MAVS: variants seen among roughly 807,000 people sequenced by gnomAD.
MAVS encodes the protein mitochondrial antiviral signaling protein, also known as mitochondrial antiviral-signaling protein.
MAVS carries 20 observed loss-of-function variants against 30.2 expected under a neutral mutation model. The observed-to-expected ratio is 0.66, with a 90% CI of 0.47 to 0.96. The LOEUF is 0.96. MAVS is among the 40% of genes least tolerant of loss of function. MAVS has a pLI of 0.00. For missense variants in MAVS, 624 were observed against 701.1 expected (o/e 0.89, Z 1.24); for synonymous variants, 278 against 293.9 (o/e 0.95, Z 0.55).
At position 3,868,460 on chromosome 20, in the gene MAVS, C is replaced by T. The variant is rs994343308; in HGVS notation, c.*2313C>T. 1.4e-4 allele frequency: 21 copies of T among 152,094 alleles called. No homozygotes were observed. The highest frequency in any genetic ancestry group is 5.1e-4 in the African/African-American group (21 of 41,398). The allele number at this position is 152,094 out of a possible 1,614,324, so 9.4% of individuals were successfully genotyped here. A position where few individuals can be genotyped will look rare whatever the true frequency, so the allele number is the denominator to read the frequency against. On this transcript the variant is annotated 3_prime_UTR_variant, in exon 7 of 7. Coordinates refer to ENST00000428216, the MANE Select transcript of MAVS (RefSeq NM_020746.5). ...GACCAGCCTGGCCAACAGGGTGAAACCCCGTCTCTACAAAAATAAGAAAAT... is the reference window on the plus strand; with the variant it reads ...GACCAGCCTGGCCAACAGGGTGAAATCCCGTCTCTACAAAAATAAGAAAAT...
chr20:3,865,099 C>T lies in MAVS; in HGVS notation c.1158+311C>T, dbSNP rs1382848104. ...TAGTTCCTAGTGAAGCCGAGCGGTG[C>T]CGTTTTGCACATAAGGAAGCAGTGA... is the stretch of plus-strand genomic sequence containing the variant. On this transcript the variant is annotated intron_variant, in intron 6 of 6. Transcript: ENST00000428216. This position sits in a 1 kb window ranked among gnomAD's most constrained non-coding sequence, Gnocchi z 4.7. 6.6e-6 allele frequency among the ~76,000 whole-genome samples: 1 copy of T among 152,220 alleles called. No individual in the cohort carries two copies. The highest frequency in any genetic ancestry group is 1.9e-4 in the East Asian group (1 of 5,202).
At chr20:3,853,460 T>C (rs1174409952) in intron 1 of MAVS, among the ~76,000 whole-genome samples, 11 of 144,580 alleles carry the variant, frequency 7.6e-5, no homozygotes, top group African/African-American at 2.6e-4. Context: ...CACTCCAGCC[T>C]GGGCGACAGA....
chr20:3,862,736 C>T (rs935016210), intron 5 of MAVS, among the ~76,000 whole-genome samples: 31 of 152,094 alleles, frequency 2.0e-4, no homozygotes, highest in African/African-American at 5.8e-4. Context: ...AAGTACTCAC[C>T]GGTATATACA....
chr20:3,854,778 G>A (rs763921462), intron 2 of MAVS, 37 bp downstream of exon 2: 32 of 1,469,110 alleles, frequency 2.2e-5, no homozygotes, highest in Non-Finnish European at 3.0e-5. Context: ...ACTGGCCTGG[G>A]GGCAGGGCTG....
chr20:3,866,304 A>C lies in MAVS; in HGVS notation c.*157A>C. Reference sequence around the variant, plus strand: ...CTGGCAGCAGGACATGCCTTGGCTGAACCAAGTCCTGAGAGCAGCATCTCT... The same window carrying C: ...CTGGCAGCAGGACATGCCTTGGCTGCACCAAGTCCTGAGAGCAGCATCTCT... On this transcript the variant is annotated 3_prime_UTR_variant, in exon 7 of 7. Coordinates refer to ENST00000428216, the MANE Select transcript of MAVS (RefSeq NM_020746.5). 1.4e-6 allele frequency: 1 copy of C among 702,508 alleles called. No individual in the cohort carries two copies. Among genetic ancestry groups the C allele is most frequent in the Non-Finnish European group, 2.3e-6 (1 of 433,554 alleles). The allele number at this position is 702,508 out of a possible 1,614,324, so 43.5% of individuals were successfully genotyped here.
intron 1 of MAVS, among the ~76,000 whole-genome samples, chr20:3,848,152 C>A (rs192990536): frequency 1.3e-5 from 2 of 151,798 alleles, no homozygotes; most frequent in African/African-American, 4.8e-5. Context: ...CAGGCTGGAG[C>A]GCAGTGGTCC....
chr20:3,854,436 A>AAAAAAAAAAAAG (rs1233200012), intron 1 of MAVS, 122 bp from the exon 2 acceptor site: 2 of 383,068 alleles, frequency 5.2e-6, no homozygotes, highest in African/African-American at 2.2e-5. Context: ...AAAAAAAAAA[A>AAAAAAAAAAAAG]AAGAAGAAAT....
At position 3,874,158 on chromosome 20, in the gene MAVS, G is replaced by C; in HGVS notation, c.*8011G>C. The C allele has an allele frequency of 2.5e-6, 1 of 398,588 alleles. No homozygotes were observed. Among genetic ancestry groups the C allele is most frequent in the Non-Finnish European group, 4.4e-6 (1 of 226,074 alleles). 24.7% of individuals were successfully genotyped at this position (398,588 alleles called of 1,614,324 possible). On this transcript the variant is annotated 3_prime_UTR_variant, in exon 7 of 7. Coordinates refer to ENST00000428216, the MANE Select transcript of MAVS (RefSeq NM_020746.5). The stretch of plus-strand genomic sequence containing the variant: ...CACAGACATGAGGTCAAGCAAAAGA[G>C]GTCAGAGTCCTCATCATCAAGAGAG...
At position 3,854,571 on chromosome 20, in the gene MAVS, C is replaced by A; in HGVS notation, c.-54C>A. 1 of 1,275,838 alleles carries A rather than the reference C, an allele frequency of 7.8e-7. No homozygotes were observed. Among genetic ancestry groups the A allele is most frequent in the Non-Finnish European group, 1.1e-6 (1 of 886,884 alleles). 79.0% of individuals were successfully genotyped at this position (1,275,838 alleles called of 1,614,324 possible). A position where few individuals can be genotyped will look rare whatever the true frequency, so the allele number is the denominator to read the frequency against. Reference sequence around the variant, plus strand: ...GTTTTCTTCCAGTCTCGTTTCCTCTCAGTCCATCCACCCTTCATGGGGCCA... The same window carrying A: ...GTTTTCTTCCAGTCTCGTTTCCTCTAAGTCCATCCACCCTTCATGGGGCCA... On this transcript the variant is annotated 5_prime_UTR_variant, in exon 2 of 7. Coordinates refer to ENST00000428216, the MANE Select transcript of MAVS (RefSeq NM_020746.5).
intron 1 of MAVS, among the ~76,000 whole-genome samples, chr20:3,850,714 A>G (rs73610107): frequency 1.3e-5 from 2 of 149,672 alleles, no homozygotes; most frequent in South Asian, 2.1e-4. Context: ...GTGAAACCCT[A>G]TCTCTACTAA....
At chr20:3,859,209 G>T (rs761216462) in intron 3 of MAVS, among the ~76,000 whole-genome samples, 7 of 148,976 alleles carry the variant, frequency 4.7e-5, no homozygotes, top group Non-Finnish European at 1.0e-4. Context: ...CATGTGTGGA[G>T]ATTAATAGTG....
At chr20:3,850,200 C>T (rs1001504713) in intron 1 of MAVS, among the ~76,000 whole-genome samples, 1 of 147,716 alleles carries the variant, frequency 6.8e-6, no homozygotes, top group African/African-American at 2.5e-5. Context: ...TGGTGTGAAC[C>T]CGGGAGGCGG....
At chr20:3,859,848 G>C (rs374395807) in intron 3 of MAVS, among the ~76,000 whole-genome samples, 1 of 150,898 alleles carries the variant, frequency 6.6e-6, no homozygotes, top group Admixed American at 6.6e-5. Context: ...ATGGAGTTTC[G>C]CTCTGTCGCC....
intron 3 of MAVS, 143 bp downstream of exon 3, chr20:3,857,952 T>G: frequency 1.1e-6 from 1 of 950,196 alleles, no homozygotes; most frequent in Non-Finnish European, 1.6e-6. Flanking sequence ...TGGGTGTAGA[T>G]CCAGGCTGAG....
In MAVS at chr20:3,866,045, A is replaced by G; in HGVS notation, c.1521A>G (p.Pro507=). 6.2e-7 allele frequency: 1 copy of G among 1,612,628 alleles called. No individual in the cohort carries two copies. The highest frequency in any genetic ancestry group is 8.5e-7 in the Non-Finnish European group (1 of 1,179,998). Residue 507 remains proline, a synonymous_variant, in exon 7 of 7, where the codon CCA becomes CCG. Transcript: ENST00000428216. ...ADRKFQEREV[P]CHRPSPGALW... Reference sequence around the variant, plus strand: ...GGAAGTTCCAGGAGAGGGAGGTGCCATGCCACAGGCCCTCACCTGGGGCTC... The same window carrying G: ...GGAAGTTCCAGGAGAGGGAGGTGCCGTGCCACAGGCCCTCACCTGGGGCTC...
At position 3,864,468 on chromosome 20, in the gene MAVS, C is replaced by A; in HGVS notation, c.838C>A (p.Pro280Thr). The A allele has an allele frequency of 6.2e-7, 1 of 1,614,024 alleles. No homozygotes were observed. Among genetic ancestry groups the A allele is most frequent in the Non-Finnish European group, 8.5e-7 (1 of 1,180,016 alleles). ...GGGTGCAGAGAGTGACCAGGCCGAG[C>A]CTATCATCTGCTCCAGTGGGGCAGA... ...KQGAESDQAE[P>T]IICSSGAEAP... Residue 280 changes from proline (P) to threonine (T), a missense_variant, in exon 6 of 7, where the codon CCT becomes ACT. Pro to Thr is a conservative substitution (Grantham distance 38). Transcript: ENST00000428216.
intron 1 of MAVS, among the ~76,000 whole-genome samples, chr20:3,853,841 T>G (rs997038035): frequency 6.6e-6 from 1 of 151,762 alleles, no homozygotes. Flanking sequence ...CAGGCTGGAG[T>G]GCAATGGTGC....
intron 5 of MAVS, 109 bp from the exon 6 acceptor site, chr20:3,864,147 G>A (rs2089886507): frequency 3.2e-6 from 4 of 1,232,306 alleles, no homozygotes; most frequent in South Asian, 1.4e-5. Flanking sequence ...GAGATTTGGA[G>A]GCCTAGACAC....
Position 3,864,783 on chromosome 20 carries a change from A to G in MAVS, c.1153A>G (p.Asn385Asp), listed in dbSNP as rs777901764. 80 of 1,613,058 alleles carry G rather than the reference A, an allele frequency of 5.0e-5. No individual in the cohort carries two copies. Among genetic ancestry groups the G allele is most frequent in the Non-Finnish European group, 6.5e-5 (77 of 1,179,466 alleles). ...AGTCCCCACTGACGGGAGCAGCAGA[A>G]ATGAGGTGAGTCCTCGCCCTTCCTG... ...STVPTDGSSR[N>D]EETPAAPTPA... The change falls in exon 6 of 7, where the codon AAT (asparagine) becomes GAT (aspartate). Residue 385 changes from asparagine (N) to aspartate (D), a missense_variant. Transcript: ENST00000428216.
Sources: gnomAD v4.1 joint callset for allele counts (sites outside exome capture counted in the v4.1 genomes callset) on GRCh38, gnomAD v4.1.1 for gene constraint, Gnocchi (gnomAD v3.1) non-coding constraint, MANE v1.5 for transcripts, NCBI Gene and HGNC (gene_info 2026-07-23, HGNC 2026-07-21) for gene names.